The following CNTNAP2 variants were observed in gnomAD, a reference collection of about 807,000 sequenced individuals.
CNTNAP2 encodes contactin associated protein 2, also known as contactin-associated protein-like 2.
Under a neutral mutation model 155.2 loss-of-function variants are expected in CNTNAP2, and 98 were observed. That is an observed-to-expected ratio of 0.63 (90% CI 0.54 to 0.75). CNTNAP2 has a LOEUF of 0.75. Ranked by LOEUF, CNTNAP2 falls within the 30% of genes least tolerant of loss-of-function variation. The pLI is 0.00. For synonymous variants in CNTNAP2, 651 were observed against 631.2 expected (o/e 1.03, Z -0.47); for missense variants, 1,727 against 1,688.1 (o/e 1.02, Z -0.40).
chr7:147,715,155 C>T (rs888762496), intron 13 of CNTNAP2, among the ~76,000 whole-genome samples: 19 of 152,214 alleles, frequency 1.2e-4, no homozygotes, highest in African/African-American at 4.3e-4. Flanking sequence ...TCAATTTCTG[C>T]ATGAAATTAA....
intron 10 of CNTNAP2, among the ~76,000 whole-genome samples, chr7:147,463,553 A>G (rs971780748): frequency 6.6e-6 from 1 of 152,150 alleles, no homozygotes; most frequent in Non-Finnish European, 1.5e-5. Context: ...TATTAATCCA[A>G]TATCTCTTGG....
rs1795225564 is a variant in CNTNAP2, at chr7:146,370,976, G to A, written c.97+254003G>A. Among the ~76,000 whole-genome samples the A allele has an allele frequency of 2.0e-5, 3 of 151,988 alleles. No individual in the cohort carries two copies. In the South Asian group the frequency reaches 6.2e-4, roughly 32 times the overall value. ...GTATTTCCTTAATTATGTTGCAATA[G>A]TAAATGTTGTTTGTATATGATAGCT... On this transcript the variant is annotated intron_variant, in intron 1 of 23. Coordinates refer to ENST00000361727, the MANE Select transcript of CNTNAP2 (RefSeq NM_014141.6).
chr7:147,159,487 G>A (rs1315516518), intron 8 of CNTNAP2, among the ~76,000 whole-genome samples: 1 of 151,998 alleles, frequency 6.6e-6, no homozygotes, highest in Non-Finnish European at 1.5e-5. Flanking sequence ...TGATTTGGAT[G>A]CAATCTTTTA....
chr7:147,095,433 A>G (rs537832746), intron 4 of CNTNAP2, among the ~76,000 whole-genome samples: 3 of 152,058 alleles, frequency 2.0e-5, no homozygotes, highest in South Asian at 4.1e-4. Context: ...ACACTGTAAC[A>G]TTAAGAATAA....
chr7:146,371,009 T>C (rs1442628055), intron 1 of CNTNAP2, among the ~76,000 whole-genome samples: 4 of 152,120 alleles, frequency 2.6e-5, no homozygotes, highest in African/African-American at 7.2e-5. Context: ...GCTAAGAATT[T>C]TTAAAATTTT....
intron 22 of CNTNAP2, among the ~76,000 whole-genome samples, chr7:148,386,306 G>A (rs746497971): frequency 5.3e-5 from 8 of 152,108 alleles, no homozygotes; most frequent in Non-Finnish European, 5.9e-5. Flanking sequence ...GAGGTGGGTG[G>A]ATCATGAGGT....
At chr7:148,017,280 G>A (rs1406301817) in intron 15 of CNTNAP2, among the ~76,000 whole-genome samples, 4 of 152,052 alleles carry the variant, frequency 2.6e-5, no homozygotes, top group Non-Finnish European at 5.9e-5. Context: ...TTTATCAGAC[G>A]AACTGTGGTA....
chr7:147,269,445 C>A (rs757417709), intron 8 of CNTNAP2, among the ~76,000 whole-genome samples: 3 of 152,076 alleles, frequency 2.0e-5, no homozygotes, highest in Non-Finnish European at 2.9e-5. Flanking sequence ...AGACACAGCA[C>A]CTTCTATCAA....
chr7:148,146,388 A>AG (rs1419413321), intron 16 of CNTNAP2, among the ~76,000 whole-genome samples: 2 of 152,246 alleles, frequency 1.3e-5, no homozygotes, highest in East Asian at 3.8e-4. Context: ...ATACATTTAA[A>AG]AAGCTTGTTT....
chr7:147,894,953 CTTTCTTTCTTTCTTT>C lies in CNTNAP2; in HGVS notation c.2099-8608_2099-8594del, dbSNP rs1223145250. On this transcript the variant is annotated intron_variant, in intron 13 of 23. Transcript: ENST00000361727. Reference sequence around the variant, plus strand: ...TTGGTTTCTTTTTCTTTCTTTCTTTCTTTCTTTCTTTCTTTTTTTTTTTTTTTTTTTTTTTGAGAC... The same window carrying C: ...TTGGTTTCTTTTTCTTTCTTTCTTTCTTTTTTTTTTTTTTTTTTTTGAGAC... 1.9e-3 allele frequency among the ~76,000 whole-genome samples: 117 copies of C among 63,098 alleles called. 2 individuals are homozygous for C. The East Asian group carries it at 0.031, about 17-fold the overall frequency. 41.4% of individuals were successfully genotyped at this position (63,098 alleles called of 152,430 possible).
In CNTNAP2 at chr7:146,466,369, C is replaced by T. The variant is rs114270226; in HGVS notation, c.98-307902C>T. The stretch of plus-strand genomic sequence containing the variant: ...AATTCTGTGCTGTTTCGTAGAACTT[C>T]ATCTTTCCTATACACAATTTCGTTA... On this transcript the variant is annotated intron_variant, in intron 1 of 23. Transcript: ENST00000361727. Among the ~76,000 whole-genome samples, 790 of 152,296 alleles carry T rather than the reference C, an allele frequency of 5.2e-3. 8 individuals carry two copies. The highest frequency in any genetic ancestry group is 0.018 in the African/African-American group (754 of 41,564).
At chr7:147,238,117 C>A (rs1803854776) in intron 8 of CNTNAP2, among the ~76,000 whole-genome samples, 1 of 152,186 alleles carries the variant, frequency 6.6e-6, no homozygotes, top group Non-Finnish European at 1.5e-5. Flanking sequence ...CGGGTTCACG[C>A]CATTCTCCTG....
intron 13 of CNTNAP2, among the ~76,000 whole-genome samples, chr7:147,898,555 A>G (rs775378772): frequency 5.3e-5 from 8 of 151,278 alleles, no homozygotes; most frequent in Non-Finnish European, 8.8e-5. Flanking sequence ...ACAGAGTCTC[A>G]CTCTATCAGG....
At chr7:147,501,746 A>G (rs1198815583) in intron 11 of CNTNAP2, among the ~76,000 whole-genome samples, 4 of 152,166 alleles carry the variant, frequency 2.6e-5, no homozygotes, top group Non-Finnish European at 4.4e-5. Context: ...TACATTTTTT[A>G]CTTTTGGTAT....
chr7:148,354,948 G>A (rs1276083639), intron 21 of CNTNAP2, among the ~76,000 whole-genome samples: 1 of 151,836 alleles, frequency 6.6e-6, no homozygotes, highest in African/African-American at 2.4e-5. Context: ...GAGTGTCAAT[G>A]ACAAAAGCAA....
At chr7:146,366,103 G>C (rs1029253052) in intron 1 of CNTNAP2, among the ~76,000 whole-genome samples, 1 of 152,024 alleles carries the variant, frequency 6.6e-6, no homozygotes, top group Non-Finnish European at 1.5e-5. Flanking sequence ...GATATAGATA[G>C]ATATGTATAG....
intron 13 of CNTNAP2, among the ~76,000 whole-genome samples, chr7:147,745,646 C>G (rs908069830): frequency 6.6e-6 from 1 of 152,254 alleles, no homozygotes; most frequent in African/African-American, 2.4e-5. Flanking sequence ...TTCTTTATAA[C>G]CAATCGAGAA....
chr7:148,084,024 T>C (rs549617209), intron 15 of CNTNAP2, among the ~76,000 whole-genome samples: 1 of 152,318 alleles, frequency 6.6e-6, no homozygotes, highest in African/African-American at 2.4e-5. Context: ...GTTTCCAAAA[T>C]GTTACATTCT....
intron 2 of CNTNAP2, among the ~76,000 whole-genome samples, chr7:146,810,660 C>T (rs905474245): frequency 1.8e-4 from 28 of 151,712 alleles, no homozygotes; most frequent in African/African-American, 6.5e-4. Flanking sequence ...CTAACTTGGA[C>T]TTCCATACTA....
Sources: allele counts gnomAD v4.1 joint callset (sites outside exome capture counted in the v4.1 genomes callset), GRCh38; gene constraint gnomAD v4.1.1; transcripts MANE v1.5; gene names NCBI Gene and HGNC (gene_info 2026-07-23, HGNC 2026-07-21).